Variants in TMC7 observed in about 807,000 individuals in gnomAD.
TMC7 encodes the protein transmembrane channel-like protein 7.
A neutral mutation model predicts 82.9 loss-of-function variants in TMC7; 54 were observed. The ratio of observed to expected loss-of-function variants is 0.65; its 90% CI spans 0.52 to 0.82. The LOEUF is 0.82. Among genes scored for constraint, TMC7 ranks in the 40% least tolerant of loss-of-function variants. The pLI, the probability that TMC7 is intolerant of heterozygous loss-of-function variation, is 0.00. For missense variants in TMC7, 820 were observed against 901.2 expected (o/e 0.91, Z 1.15); for synonymous variants, 350 against 337.9 (o/e 1.04, Z -0.39).
chr16:19,042,354 T>G (rs1961051645), intron 9 of TMC7, among the ~76,000 whole-genome samples: 1 of 152,036 alleles, frequency 6.6e-6, no homozygotes, highest in Non-Finnish European at 1.5e-5. Context: ...TTTAAATTTT[T>G]TGTAGAGACA....
chr16:19,011,188 A>G (rs1959319671), intron 2 of TMC7, among the ~76,000 whole-genome samples: 2 of 152,170 alleles, frequency 1.3e-5, no homozygotes, highest in African/African-American at 4.8e-5. Flanking sequence ...CCTAACTGCC[A>G]GGAAGGCTGG....
At chr16:19,048,137 A>ATT (rs113659581) in intron 12 of TMC7, among the ~76,000 whole-genome samples, 3 of 137,772 alleles carry the variant, frequency 2.2e-5, no homozygotes, top group South Asian at 2.3e-4. Context: ...GTTTTTTTGA[A>ATT]TTTTTTTTTT....
intron 13 of TMC7, among the ~76,000 whole-genome samples, chr16:19,053,545 A>G (rs1342420243): frequency 6.6e-6 from 1 of 152,046 alleles, no homozygotes; most frequent in African/African-American, 2.4e-5. Context: ...CTGGGATTAC[A>G]GGCATGTGCC....
chr16:19,061,230 C>G (rs1389733369), intron 15 of TMC7, among the ~76,000 whole-genome samples: 3 of 152,200 alleles, frequency 2.0e-5, no homozygotes, highest in Non-Finnish European at 4.4e-5. Flanking sequence ...CCAGGCTGGT[C>G]TCGAACTCCT....
At chr16:18,992,849 T>C (rs2038976259) in intron 1 of TMC7, among the ~76,000 whole-genome samples, 1 of 152,228 alleles carries the variant, frequency 6.6e-6, no homozygotes, top group Non-Finnish European at 1.5e-5. Flanking sequence ...ATTTATTAAA[T>C]AGGGAATCCT....
rs1370141177 is a variant in TMC7 at position 19,030,348 on chromosome 16, G to T, written c.836G>T (p.Ser279Ile). ...AGCACAATCGCCTCCCTGGCCCTGA[G>T]CCTTCTTTGGATAGTGAAAAGGTAA... ...LLSTIASLAL[S>I]LLWIVKRSVE... Residue 279 changes from serine (S) to isoleucine (I), a missense_variant, in exon 6 of 16, where the codon AGC becomes ATC. By Grantham distance (142) the Ser-to-Ile change is moderately radical. This residue lies in a region of TMC7 where 650 missense variants were observed against 669.9 expected (regional missense o/e 0.97). Transcript: ENST00000304381. 1 of 1,611,792 alleles carries T rather than the reference G, an allele frequency of 6.2e-7. No homozygotes were observed. The highest frequency in any genetic ancestry group is 1.1e-5 in the South Asian group (1 of 90,618).
Position 19,031,505 on chromosome 16 carries a change from A to G in TMC7, c.857+1136A>G, listed in dbSNP as rs1960514043. On this transcript the variant is annotated intron_variant, in intron 6 of 15. Coordinates refer to ENST00000304381, the MANE Select transcript of TMC7 (RefSeq NM_024847.4). Reference sequence around the variant, plus strand: ...GCACAAAGACCCAAACACAATAGAAATTTTATTTCTTCTTTATTAGCTGGG... The same window carrying G: ...GCACAAAGACCCAAACACAATAGAAGTTTTATTTCTTCTTTATTAGCTGGG... 2.0e-5 allele frequency among the ~76,000 whole-genome samples: 3 copies of G among 152,112 alleles called. No individual in the cohort carries two copies. In the South Asian group the frequency reaches 6.2e-4, roughly 32 times the overall value.
chr16:18,993,167 G>A (rs1036590125), intron 1 of TMC7, among the ~76,000 whole-genome samples: 3 of 152,144 alleles, frequency 2.0e-5, no homozygotes, highest in African/African-American at 7.2e-5. Context: ...CATAAGAATG[G>A]GAATGAGAAC....
Position 19,037,861 on chromosome 16 carries a change from C to T in TMC7, c.1006-13C>T, listed in dbSNP as rs751717118. On this transcript the variant is annotated splice_polypyrimidine_tract_variant and intron_variant, in intron 7 of 15. Coordinates refer to ENST00000304381, the MANE Select transcript of TMC7 (RefSeq NM_024847.4). The stretch of plus-strand genomic sequence containing the variant: ...ATCCCACTGCTCACAAGTGAATTTT[C>T]TTTTATCTTCAGGCAGATCTGGAGG... 5 of 1,607,892 alleles carry T rather than the reference C, an allele frequency of 3.1e-6. No individual in the cohort carries two copies. The African/African-American group carries it at 4.0e-5, about 13-fold the overall frequency.
In TMC7 at chr16:19,063,714, A is replaced by T. The variant is rs998036093; in HGVS notation, c.*1871A>T. On this transcript the variant is annotated 3_prime_UTR_variant, in exon 16 of 16. Transcript: ENST00000304381. The stretch of plus-strand genomic sequence containing the variant: ...TGTGTGTGTGATGAACACAACGAAA[A>T]CGTACTGCGTTTTTTTTCCTATTAT... 4.0e-5 allele frequency: 6 copies of T among 151,652 alleles called. No homozygotes were observed. The highest frequency in any genetic ancestry group is 3.9e-4 in the Admixed American group (6 of 15,196). 9.4% of individuals were successfully genotyped at this position (151,652 alleles called of 1,614,324 possible).
chr16:19,013,944 C>A (rs1044520910), intron 2 of TMC7, among the ~76,000 whole-genome samples: 5 of 151,298 alleles, frequency 3.3e-5, no homozygotes, highest in African/African-American at 9.7e-5. Context: ...AGCTCTGCCT[C>A]CCAGGTTCAC....
chr16:19,018,142 C>G (rs1043961460), intron 3 of TMC7, among the ~76,000 whole-genome samples: 2 of 151,984 alleles, frequency 1.3e-5, no homozygotes, highest in Admixed American at 1.3e-4. Context: ...TGTCTCAAAA[C>G]AAAAACATAA....
chr16:19,025,650 AAAAC>A (rs1169722231), intron 5 of TMC7, among the ~76,000 whole-genome samples: 3 of 152,082 alleles, frequency 2.0e-5, no homozygotes, highest in Non-Finnish European at 4.4e-5. Flanking sequence ...AAAAAACAAA[AAAAC>A]AAATAAACAA....
intron 1 of TMC7, among the ~76,000 whole-genome samples, chr16:18,992,253 C>T (rs1173332045): frequency 5.9e-5 from 9 of 152,194 alleles, no homozygotes; most frequent in African/African-American, 9.7e-5. Flanking sequence ...TCCTCTCCAG[C>T]GCCTGTTGTT....
At chr16:19,031,949 T>G (rs1243345604) in intron 6 of TMC7, among the ~76,000 whole-genome samples, 1 of 152,170 alleles carries the variant, frequency 6.6e-6, no homozygotes, top group Non-Finnish European at 1.5e-5. Context: ...CTCAGTCACA[T>G]GACTATAGCC....
intron 15 of TMC7, among the ~76,000 whole-genome samples, chr16:19,060,939 A>AG (rs1190590997): frequency 6.6e-6 from 1 of 151,428 alleles, no homozygotes; most frequent in Non-Finnish European, 1.5e-5. Flanking sequence ...GGCACCCACC[A>AG]TCACAACCGG....
In TMC7 at chr16:19,051,616, A is replaced by T. The variant is rs548534032; in HGVS notation, c.1741-70A>T. 6.1e-5 allele frequency: 95 copies of T among 1,563,308 alleles called. No homozygotes were observed. In the African/African-American group the frequency reaches 1.1e-3, roughly 18 times the overall value. ...ATTAACATTCCCACTGTAATGCAGG[A>T]ATGCACTTATTTATCTTCACAGAAG... On this transcript the variant is annotated intron_variant, in intron 12 of 15. Coordinates refer to ENST00000304381, the MANE Select transcript of TMC7 (RefSeq NM_024847.4).
In TMC7 at chr16:18,986,733, T is replaced by C. The variant is rs533888960; in HGVS notation, c.67+2603T>C. On this transcript the variant is annotated intron_variant, in intron 1 of 15. Transcript: ENST00000304381. ...GCTGCACTGGCTGCCTTCCTATTCC[T>C]CCAGCATACCAAGATTGTTTCTGCC... Among the ~76,000 whole-genome samples the C allele has an allele frequency of 3.3e-5, 5 of 152,004 alleles. No individual in the cohort carries two copies. In the East Asian group the frequency reaches 7.7e-4, roughly 23 times the overall value.
rs767590084 is a variant in TMC7, at chr16:19,037,938, G to T, written c.1070G>T (p.Arg357Leu). Residue 357 changes from arginine (R) to leucine (L), a missense_variant, in exon 8 of 16, where the codon CGC becomes CTC. Physicochemically the swap from Arg to Leu is moderately radical, Grantham distance 102. This residue lies in a region of TMC7 where 650 missense variants were observed against 669.9 expected (regional missense o/e 0.97). Coordinates refer to ENST00000304381, the MANE Select transcript of TMC7 (RefSeq NM_024847.4). ...IAERTSEETIRIYSLRLFLNC... is the reference protein window; with the variant it reads ...IAERTSEETILIYSLRLFLNC... ...GAAAGGACCTCAGAAGAAACAATAC[G>T]CATTTACTCTTTGAGACTGTTTTTG... 4 of 1,613,830 alleles carry T rather than the reference G, an allele frequency of 2.5e-6. No individual in the cohort carries two copies. In the Admixed American group the frequency reaches 6.7e-5, roughly 27 times the overall value.
Sources: gnomAD v4.1 joint callset for allele counts (sites outside exome capture counted in the v4.1 genomes callset) on GRCh38, gnomAD v4.1.1 for gene constraint, gnomAD v4.1.1 regional missense constraint, MANE v1.5 for transcripts, NCBI Gene and HGNC (gene_info 2026-07-23, HGNC 2026-07-21) for gene names.